POR: variants seen among roughly 807,000 people sequenced by gnomAD.
POR encodes the protein NADPH--cytochrome P450 reductase.
POR carries 56 observed loss-of-function variants against 84.0 expected under a neutral mutation model. The observed-to-expected ratio is 0.67, with a 90% CI of 0.54 to 0.83. POR has a LOEUF of 0.83. Among genes scored for constraint, POR ranks in the 40% least tolerant of loss-of-function variants. The pLI, the probability that POR is intolerant of heterozygous loss-of-function variation, is 0.00. For missense variants in POR, 938 were observed against 944.3 expected, an observed-to-expected ratio of 0.99 and a Z score of 0.09; for synonymous variants, 414 against 400.5, an observed-to-expected ratio of 1.03 and a Z score of -0.40.
At chr7:75,933,820 T>C (rs1554550442) in intron 1 of POR, among the ~76,000 whole-genome samples, 1 of 152,216 alleles carries the variant, frequency 6.6e-6, no homozygotes, top group African/African-American at 2.4e-5. Context: ...CCATTGTTAA[T>C]ATTTTACCAT....
At chr7:75,965,226 C>T (rs987327959) in intron 2 of POR, among the ~76,000 whole-genome samples, 5 of 152,068 alleles carry the variant, frequency 3.3e-5, no homozygotes, top group African/African-American at 7.2e-5. Context: ...CAGGGCCGCT[C>T]GGCACAGATG....
intron 4 of POR, 26 bp downstream of exon 4, chr7:75,979,605 C>T (rs782106510): frequency 6.2e-7 from 1 of 1,610,958 alleles, no homozygotes; most frequent in Admixed American, 1.7e-5. Flanking sequence ...GTGCTGGCCC[C>T]AGATGGAGGC....
intron 3 of POR, among the ~76,000 whole-genome samples, chr7:75,974,524 C>CT (rs1238804117): frequency 0.27 from 29,065 of 108,140 alleles, 4,384 homozygotes; most frequent in East Asian, 0.4. Context: ...TTTTTCTTTT[C>CT]TTTTTTTTTT....
intron 1 of POR, among the ~76,000 whole-genome samples, chr7:75,942,886 G>A (rs1786996055): frequency 6.6e-6 from 1 of 151,766 alleles, no homozygotes; most frequent in South Asian, 2.1e-4. Flanking sequence ...TGCAGCAAAA[G>A]CTAATTTCCA....
At chr7:75,975,531 C>A (rs1049273659) in intron 3 of POR, among the ~76,000 whole-genome samples, 5 of 152,084 alleles carry the variant, frequency 3.3e-5, no homozygotes, top group Admixed American at 1.3e-4. Context: ...TCCCCGCTAC[C>A]TGAGAGGCTG....
chr7:75,979,733 C>G, intron 4 of POR, 154 bp downstream of exon 4: 1 of 1,057,358 alleles, frequency 9.5e-7, no homozygotes, highest in African/African-American at 1.6e-5. Flanking sequence ...TCATTGCCAT[C>G]CCTGCCCGGG....
At position 75,985,875 on chromosome 7, in the gene POR, G is replaced by A. The variant is rs1244273098; in HGVS notation, c.1669+26G>A. Reference sequence around the variant, plus strand: ...GTGAGTGGGGTCCCATGGGGGAGAGGGGGTGACGACTGGGAGCCCCGCGCT... The same window carrying A: ...GTGAGTGGGGTCCCATGGGGGAGAGAGGGTGACGACTGGGAGCCCCGCGCT... On this transcript the variant is annotated intron_variant, in intron 13 of 15. Coordinates refer to ENST00000461988, the MANE Select transcript of POR (RefSeq NM_000941.3). 2.6e-6 allele frequency: 4 copies of A among 1,552,120 alleles called. No homozygotes were observed. The Admixed American group carries it at 7.6e-5, about 29-fold the overall frequency.
chr7:75,918,017 C>G (rs1404008956), intron 1 of POR, among the ~76,000 whole-genome samples: 2 of 151,972 alleles, frequency 1.3e-5, no homozygotes, highest in African/African-American at 4.8e-5. Context: ...AATACAAATA[C>G]AAAAATTGAC....
At chr7:75,928,701 C>T (rs1807270947) in intron 1 of POR, among the ~76,000 whole-genome samples, 1 of 140,340 alleles carries the variant, frequency 7.1e-6, no homozygotes. Flanking sequence ...TGATGTGGGT[C>T]ACTGCCCAGG....
chr7:75,931,565 C>T (rs561346748), intron 1 of POR, among the ~76,000 whole-genome samples: 6 of 152,072 alleles, frequency 3.9e-5, no homozygotes, highest in Admixed American at 3.9e-4. Flanking sequence ...GACGGGGTTT[C>T]ACCACGTTGG....
At chr7:75,919,123 C>T (rs1363192606) in intron 1 of POR, among the ~76,000 whole-genome samples, 4 of 151,724 alleles carry the variant, frequency 2.6e-5, no homozygotes, top group African/African-American at 4.8e-5. Context: ...CTCAGCCTCC[C>T]GAGTAGCTAG....
chr7:75,920,056 C>CTTTTTTTT (rs71519397), intron 1 of POR, among the ~76,000 whole-genome samples: 2 of 76,510 alleles, frequency 2.6e-5, no homozygotes, highest in African/African-American at 5.8e-5. Context: ...AGTTGAATTT[C>CTTTTTTTT]TTTTTTTTTT....
chr7:75,926,995 C>G (rs1807163584), intron 1 of POR, among the ~76,000 whole-genome samples: 1 of 152,064 alleles, frequency 6.6e-6, no homozygotes, highest in South Asian at 2.1e-4. Flanking sequence ...CCAGGTCATT[C>G]AGTGAGGCTG....
intron 4 of POR, 53 bp from the exon 5 acceptor site, chr7:75,980,286 C>A: frequency 6.3e-7 from 1 of 1,583,856 alleles, no homozygotes; most frequent in Non-Finnish European, 8.6e-7. Flanking sequence ...GCGGGTTGAA[C>A]CTTGAACAGG....
intron 1 of POR, among the ~76,000 whole-genome samples, chr7:75,930,382 T>A (rs1437942090): frequency 4.6e-5 from 7 of 152,094 alleles, no homozygotes; most frequent in African/African-American, 1.7e-4. Context: ...CTCGGGAGGC[T>A]GAGGTGGGAG....
Position 75,980,342 on chromosome 7 carries a change from G to T in POR, c.370G>T (p.Asp124Tyr). The T allele has an allele frequency of 6.2e-7, 1 of 1,612,308 alleles. No homozygotes were observed. Among genetic ancestry groups the T allele is most frequent in the South Asian group, 1.1e-5 (1 of 91,058 alleles). The change falls in exon 5 of 16, where the codon GAC (aspartate) becomes TAC (tyrosine). Residue 124 changes from aspartate (D) to tyrosine (Y), a missense_variant. Coordinates refer to ENST00000461988, the MANE Select transcript of POR (RefSeq NM_000941.3). Reference sequence around the variant, plus strand: ...GGTCCTGTCCCTGTTTCTGCAGGCCGACCTGAGCAGCCTGCCAGAGATCGA... The same window carrying T: ...GGTCCTGTCCCTGTTTCTGCAGGCCTACCTGAGCAGCCTGCCAGAGATCGA...
In POR at chr7:75,984,802, C is replaced by A; in HGVS notation, c.1092C>A (p.Phe364Leu). The A allele has an allele frequency of 6.2e-7, 1 of 1,612,640 alleles. No homozygotes were observed. The highest frequency in any genetic ancestry group is 8.5e-7 in the Non-Finnish European group (1 of 1,179,802). Residue 364 changes from phenylalanine (F) to leucine (L), a missense_variant, in exon 11 of 16, where the codon TTC (phenylalanine) becomes TTA (leucine). Transcript: ENST00000461988. ...AGGAGTCCAACAAGAAGCACCCATT[C>A]CCGTGCCCTACGTCCTACCGCACGG... is the stretch of plus-strand genomic sequence containing the variant.
chr7:75,928,397 A>G (rs1479819107), intron 1 of POR, among the ~76,000 whole-genome samples: 1 of 152,208 alleles, frequency 6.6e-6, no homozygotes, highest in Admixed American at 6.5e-5. Flanking sequence ...ACGTATGTTC[A>G]CTGCGTGTTT....
At chr7:75,964,156 C>T (rs191473156) in intron 2 of POR, among the ~76,000 whole-genome samples, 31 of 151,950 alleles carry the variant, frequency 2.0e-4, no homozygotes, top group African/African-American at 7.0e-4. Context: ...CCTGCCACCA[C>T]GCCCAGCTAA....
Sources: gnomAD v4.1 joint callset for allele counts (sites outside exome capture counted in the v4.1 genomes callset) on GRCh38, gnomAD v4.1.1 for gene constraint, MANE v1.5 for transcripts, NCBI Gene and HGNC (gene_info 2026-07-23, HGNC 2026-07-21) for gene names.